SPDYE10: variants seen among roughly 807,000 people sequenced by gnomAD.
SPDYE10 encodes the protein speedy/RINGO cell cycle regulator family member E10, also known as speedy protein E10.
chr7:73,129,818 T>G, the SPDYE10 span, among the ~76,000 whole-genome samples: 3 of 152,118 alleles, frequency 2.0e-5, no homozygotes, highest in Non-Finnish European at 4.4e-5. Context: ...AAAAAACATA[T>G]GCACGACTAG....
the SPDYE10 span, among the ~76,000 whole-genome samples, chr7:73,134,525 A>AAGAG: frequency 0.052 from 327 of 6,308 alleles, 1 homozygote; most frequent in African/African-American, 0.27. Flanking sequence ...TATAATAAAA[A>AAGAG]AGAAAGAAAG....
At chr7:73,145,703 G>C in the SPDYE10 span, among the ~76,000 whole-genome samples, 1 of 150,298 alleles carries the variant, frequency 6.7e-6, no homozygotes, top group Non-Finnish European at 1.5e-5. Flanking sequence ...TGATGTGCCT[G>C]CATCTTAGCC....
At chr7:73,137,331 C>T in the SPDYE10 span, among the ~76,000 whole-genome samples, 3 of 150,404 alleles carry the variant, frequency 2.0e-5, no homozygotes, top group Non-Finnish European at 4.4e-5. Context: ...CTGGCTAACA[C>T]GGTGAAACCC....
the SPDYE10 span, among the ~76,000 whole-genome samples, chr7:73,123,935 GT>G: frequency 1.3e-5 from 2 of 151,052 alleles, no homozygotes; most frequent in African/African-American, 4.9e-5. Context: ...TTTTTGTGGG[GT>G]TTTTTTGTTT....
chr7:73,128,239 C>T, the SPDYE10 span, among the ~76,000 whole-genome samples: 2 of 148,552 alleles, frequency 1.3e-5, no homozygotes, highest in African/African-American at 2.5e-5. Context: ...CAGAAGGATA[C>T]ATACAATATG....
At chr7:73,150,907 A>AAAAAAAAATAT in the SPDYE10 span, among the ~76,000 whole-genome samples, 1 of 11,576 alleles carries the variant, frequency 8.6e-5, no homozygotes, top group Non-Finnish European at 1.4e-4. Context: ...AAAAAAAAAA[A>AAAAAAAAATAT]ATATATATAT....
chr7:73,120,666 T>C, the SPDYE10 span, among the ~76,000 whole-genome samples: 1 of 106,726 alleles, frequency 9.4e-6, no homozygotes, highest in African/African-American at 4.4e-5. Flanking sequence ...CAGGCACCTG[T>C]AGTCCCAGCT....
chr7:73,114,190 C>CAA, the SPDYE10 span, among the ~76,000 whole-genome samples: 3 of 117,432 alleles, frequency 2.6e-5, no homozygotes, highest in Admixed American at 9.8e-5. Context: ...GACTCTGTCT[C>CAA]AAAAGAAAGA....
chr7:73,137,610 GAA>G, the SPDYE10 span, among the ~76,000 whole-genome samples: 4 of 132,900 alleles, frequency 3.0e-5, no homozygotes, highest in Middle Eastern at 3.2e-3. Flanking sequence ...AAGAAAGAAA[GAA>G]AGAAAGAAAG....
At chr7:73,144,853 A>C in the SPDYE10 span, among the ~76,000 whole-genome samples, 6 of 89,070 alleles carry the variant, frequency 6.7e-5, no homozygotes, top group Admixed American at 2.4e-4. Flanking sequence ...TCTACTAAAA[A>C]TACAAAAAAA....
At chr7:73,126,468 C>T in the SPDYE10 span, among the ~76,000 whole-genome samples, 2 of 117,328 alleles carry the variant, frequency 1.7e-5, no homozygotes, top group African/African-American at 3.9e-5. Flanking sequence ...TATTGTGCCA[C>T]TGCACTCCAG....
the SPDYE10 span, among the ~76,000 whole-genome samples, chr7:73,134,537 A>AGAAAGAAAGAAAGAAAGAAAGAAAG: frequency 7.2e-6 from 1 of 139,530 alleles, no homozygotes; most frequent in Admixed American, 7.1e-5. Flanking sequence ...GAAAGAAAGA[A>AGAAAGAAAGAAAGAAAGAAAGAAAG]AAAGAAAGAA....
At chr7:73,114,937 C>T in the SPDYE10 span, among the ~76,000 whole-genome samples, 5 of 149,172 alleles carry the variant, frequency 3.4e-5, no homozygotes, top group Admixed American at 1.3e-4. Flanking sequence ...GACGGAGTCT[C>T]GCTCTGTCAT....
the SPDYE10 span, among the ~76,000 whole-genome samples, chr7:73,114,534 ATTTTTTTT>A: frequency 2.2e-5 from 3 of 134,552 alleles, no homozygotes; most frequent in Admixed American, 8.3e-5. Flanking sequence ...TTTAAGCCCT[ATTTTTTTT>A]TTTTTTTTTT....
At chr7:73,149,727 C>T in the SPDYE10 span, among the ~76,000 whole-genome samples, 4 of 133,840 alleles carry the variant, frequency 3.0e-5, no homozygotes, top group African/African-American at 1.2e-4. Flanking sequence ...TTAGCATGCT[C>T]TAGTAGTTGG....
the SPDYE10 span, among the ~76,000 whole-genome samples, chr7:73,138,699 T>C: frequency 6.6e-6 from 1 of 151,370 alleles, no homozygotes; most frequent in Non-Finnish European, 1.5e-5. Context: ...TTTTAGCATT[T>C]TCTTCAGTTT....
the SPDYE10 span, among the ~76,000 whole-genome samples, chr7:73,127,596 G>A: frequency 1.3e-5 from 1 of 79,926 alleles, no homozygotes; most frequent in Non-Finnish European, 2.8e-5. Flanking sequence ...AGGGGAAGGG[G>A]GAGAGGAAGG....
the SPDYE10 span, among the ~76,000 whole-genome samples, chr7:73,131,643 T>C: frequency 7.4e-5 from 11 of 148,828 alleles, no homozygotes; most frequent in East Asian, 9.8e-4. Context: ...CAAGTGATTC[T>C]CCTGCCTCAG....
the SPDYE10 span, among the ~76,000 whole-genome samples, chr7:73,144,981 T>G: frequency 3.0e-5 from 2 of 66,250 alleles, no homozygotes; most frequent in East Asian, 1.3e-3. Context: ...CACTCCAGCC[T>G]GGGTGATGGA....
Sources: allele counts gnomAD v4.1 joint callset (sites outside exome capture counted in the v4.1 genomes callset), GRCh38; gene constraint gnomAD v4.1.1; transcripts MANE v1.5; gene names NCBI Gene and HGNC (gene_info 2026-07-23, HGNC 2026-07-21).